KIF1B: variants seen among roughly 807,000 people sequenced by gnomAD.
KIF1B encodes kinesin family member 1B, also known as kinesin-like protein KIF1B.
A neutral mutation model predicts 241.9 loss-of-function variants in KIF1B; 76 were observed. The observed-to-expected ratio is 0.31, with a 90% CI of 0.26 to 0.38. The LOEUF is 0.38. Among genes scored for constraint, KIF1B ranks in the 10% least tolerant of loss-of-function variants. The pLI is 1.00. For missense variants in KIF1B, 1,622 were observed against 2,271.4 expected (o/e 0.71, Z 5.81); for synonymous variants, 750 against 796.7 (o/e 0.94, Z 0.99).
chr1:10,364,067 T>TA (rs1424795982), intron 41 of KIF1B, among the ~76,000 whole-genome samples: 2 of 151,842 alleles, frequency 1.3e-5, no homozygotes, highest in East Asian at 1.9e-4. Flanking sequence ...AGCATAATAC[T>TA]AAAAAAAATT....
At chr1:10,261,634 T>C (rs1434249776) in intron 4 of KIF1B, among the ~76,000 whole-genome samples, 1 of 152,200 alleles carries the variant, frequency 6.6e-6, no homozygotes, top group East Asian at 1.9e-4. Context: ...GTCAGGATCA[T>C]CAAGATATCA....
At chr1:10,257,468 G>A (rs1333359070) in intron 3 of KIF1B, among the ~76,000 whole-genome samples, 1 of 148,206 alleles carries the variant, frequency 6.7e-6, no homozygotes, top group Non-Finnish European at 1.5e-5. Flanking sequence ...GAACATGACT[G>A]TGTCTCAAAA....
In KIF1B at chr1:10,353,818, A is replaced by T. The variant is rs113450571; in HGVS notation, c.4055+1082A>T. On this transcript the variant is annotated intron_variant, in intron 38 of 48. Transcript: ENST00000676179. ...TACATATGTATGTCTGGGGAGGGGG[A>T]GTGGCAGAAATAAAGAGGGGTGCTT... is the stretch of plus-strand genomic sequence containing the variant. 1.6e-3 allele frequency among the ~76,000 whole-genome samples: 239 copies of T among 152,158 alleles called. 1 individual carries two copies. The highest frequency in any genetic ancestry group is 5.5e-3 in the African/African-American group (228 of 41,506).
chr1:10,220,220 A>G (rs1646823891), intron 1 of KIF1B, among the ~76,000 whole-genome samples: 1 of 151,278 alleles, frequency 6.6e-6, no homozygotes, highest in African/African-American at 2.4e-5. Context: ...AAAAAAAAAA[A>G]ATTAGGTAGG....
At chr1:10,329,690 G>T (rs547075813) in intron 27 of KIF1B, among the ~76,000 whole-genome samples, 58 of 152,188 alleles carry the variant, frequency 3.8e-4, no homozygotes, top group African/African-American at 1.3e-3. Context: ...CCGAGATCGC[G>T]CCACTGCACT....
chr1:10,284,823 A>G (rs764459956), intron 15 of KIF1B, among the ~76,000 whole-genome samples: 66 of 151,990 alleles, frequency 4.3e-4, no homozygotes, highest in African/African-American at 8.7e-4. Flanking sequence ...GATTGCGCCA[A>G]TGCCCTCCAG....
rs138324955 is a variant in KIF1B, at chr1:10,258,485, CTT to C, written c.184-6_184-5del. The C allele has an allele frequency of 0.023, 37,519 of 1,613,084 alleles. 565 individuals carry two copies. The highest frequency in any genetic ancestry group is 0.027 in the Non-Finnish European group (32,311 of 1,179,078). On this transcript the variant is annotated splice_region_variant and splice_polypyrimidine_tract_variant and intron_variant, in intron 3 of 48. Coordinates refer to ENST00000676179, the MANE Select transcript of KIF1B (RefSeq NM_001365951.3). ...AAGGTTATTTATTTCTCCTTTTACT[CTT>C]TACAGCCCGAAGATCCCTGTTTTGC...
rs1428919885 is a variant in KIF1B, at chr1:10,326,159, A to C, written c.2724A>C (p.Thr908=). The C allele has an allele frequency of 1.2e-6, 2 of 1,613,638 alleles. No homozygotes were observed. The highest frequency in any genetic ancestry group is 1.7e-6 in the Non-Finnish European group (2 of 1,179,936). ...GCVNERLADR[T]PSPTFSTADS... is the part of the protein sequence containing the mutation. Reference sequence around the variant, plus strand: ...TGAACGAGCGCCTTGCCGACCGCACACCCTCCCCCACTTTTTCCACGGCCG... The same window carrying C: ...TGAACGAGCGCCTTGCCGACCGCACCCCCTCCCCCACTTTTTCCACGGCCG... Residue 908 remains threonine, a synonymous_variant, in exon 27 of 49, where the codon ACA becomes ACC. Coordinates refer to ENST00000676179, the MANE Select transcript of KIF1B (RefSeq NM_001365951.3). The surrounding 1 kb of genome is among the most constrained non-coding windows in gnomAD (Gnocchi z 5.2).
intron 7 of KIF1B, among the ~76,000 whole-genome samples, chr1:10,268,939 A>G (rs1343645172): frequency 6.6e-6 from 1 of 152,186 alleles, no homozygotes. Context: ...GCGTTAATAT[A>G]GGTTAAGTGC....
intron 17 of KIF1B, 39 bp downstream of exon 17, chr1:10,292,161 A>C (rs541459285): frequency 2.6e-6 from 4 of 1,547,182 alleles, no homozygotes; most frequent in Admixed American, 1.7e-5. Flanking sequence ...AGACAGAGAC[A>C]CTTTTTGTTT....
chr1:10,368,311 C>T (rs1041649205), intron 43 of KIF1B, among the ~76,000 whole-genome samples, 156 bp from the exon 44 acceptor site: 1 of 152,108 alleles, frequency 6.6e-6, no homozygotes, highest in Non-Finnish European at 1.5e-5. Context: ...GACCAATGAA[C>T]GGCAGATGGA....
At chr1:10,298,973 C>T (rs1246439139) in intron 22 of KIF1B, 4 of 151,462 alleles carry the variant, frequency 2.6e-5, no homozygotes, top group Non-Finnish European at 4.4e-5. Context: ...ACGGTGCTCG[C>T]TTCGGCAGCA....
intron 2 of KIF1B, among the ~76,000 whole-genome samples, chr1:10,251,642 G>C (rs1407458419): frequency 3.3e-5 from 5 of 151,732 alleles, no homozygotes; most frequent in Non-Finnish European, 5.9e-5. Context: ...GCTGAGGCAG[G>C]AGAATTACTT....
At chr1:10,328,076 G>A (rs1361080571) in intron 27 of KIF1B, among the ~76,000 whole-genome samples, 3 of 152,142 alleles carry the variant, frequency 2.0e-5, no homozygotes, top group Non-Finnish European at 2.9e-5. Flanking sequence ...TGTAGTCCCA[G>A]CTCCTTGGAA....
chr1:10,324,883 A>G lies in KIF1B; in HGVS notation c.2663A>G (p.Lys888Arg), dbSNP rs147600470. 5.1e-5 allele frequency: 83 copies of G among 1,614,138 alleles called. No homozygotes were observed. In the African/African-American group the frequency reaches 1.0e-3, roughly 19 times the overall value. The stretch of plus-strand genomic sequence containing the variant: ...TTCTATGATCGGTTCCACTGGTTCA[A>G]ACTTGTGGGGAGGTATGTGATGATT... Reference protein sequence around the residue: ...DPFYDRFHWFKLVGSSPIFHG... With the variant: ...DPFYDRFHWFRLVGSSPIFHG... Residue 888 changes from lysine to arginine, a missense_variant, in exon 26 of 49, where the codon AAA becomes AGA. By Grantham distance (26) the Lys-to-Arg change is conservative. Around this residue, in one of 7 missense-constraint regions of KIF1B, gnomAD observed 803 missense variants for 1,112.0 expected, o/e 0.72. Coordinates refer to ENST00000676179, the MANE Select transcript of KIF1B (RefSeq NM_001365951.3).
intron 2 of KIF1B, among the ~76,000 whole-genome samples, 162 bp from the exon 3 acceptor site, chr1:10,256,085 A>G (rs559916548): frequency 6.6e-6 from 1 of 152,176 alleles, no homozygotes; most frequent in East Asian, 1.9e-4. Context: ...CTGAAATTAC[A>G]GGCATGAGCC....
intron 22 of KIF1B, chr1:10,306,940 T>G (rs1311463079): frequency 1.9e-6 from 2 of 1,045,254 alleles, no homozygotes; most frequent in African/African-American, 3.3e-5. Context: ...GGTGATTAGG[T>G]AATACTGTAG....
At chr1:10,321,966 T>C in intron 24 of KIF1B, 109 bp downstream of exon 24, 4 of 1,219,688 alleles carry the variant, frequency 3.3e-6, no homozygotes, top group Non-Finnish European at 4.8e-6. Flanking sequence ...CTCAGCTGCT[T>C]TGTGCTATAA....
At position 10,321,785 on chromosome 1, in the gene KIF1B, A is replaced by G; in HGVS notation, c.2286A>G (p.Leu762=). 1 of 1,614,206 alleles carries G rather than the reference A, an allele frequency of 6.2e-7. No homozygotes were observed. The highest frequency in any genetic ancestry group is 8.5e-7 in the Non-Finnish European group (1 of 1,180,004). The change falls in exon 24 of 49, where the codon TTA becomes TTG. Residue 762 remains leucine, a synonymous_variant. Transcript: ENST00000676179. ...GGAAGTCTCATCAGTTTACTTCATT[A>G]CGGGACTTACTCTGGGGCAATGCCG... The part of the protein sequence containing the change: ...RKWKSHQFTS[L]RDLLWGNAVY...
Sources: allele counts gnomAD v4.1 joint callset (sites outside exome capture counted in the v4.1 genomes callset), GRCh38; gene constraint gnomAD v4.1.1; regional missense constraint gnomAD v4.1.1; non-coding constraint Gnocchi (gnomAD v3.1); transcripts MANE v1.5; gene names NCBI Gene and HGNC (gene_info 2026-07-23, HGNC 2026-07-21).